The following SFMBT2 variants were observed in gnomAD, a reference collection of about 807,000 sequenced individuals.
SFMBT2 encodes the protein Scm like with four mbt domains 2, also known as scm-like with four MBT domains protein 2.
SFMBT2 carries 38 observed loss-of-function variants against 110.1 expected under a neutral mutation model. The ratio of observed to expected loss-of-function variants is 0.35; its 90% confidence interval spans 0.27 to 0.45. The LOEUF (loss-of-function observed/expected upper bound fraction) is 0.45, where lower values mean the gene tolerates loss of function less well. Ranked by LOEUF, SFMBT2 falls within the 20% of genes least tolerant of loss-of-function variation. The pLI is 1.00. For missense variants in SFMBT2, 1,011 were observed against 1,094.9 expected, an observed-to-expected ratio of 0.92 and a Z score of 1.08; for synonymous variants, 425 against 425.4, an observed-to-expected ratio of 1.00 and a Z score of 0.01.
Position 7,171,389 on chromosome 10 carries a change from C to A in SFMBT2, c.2416-333G>T. The A allele has an allele frequency of 1.0e-6, 1 of 985,382 alleles. No individual in the cohort carries two copies. The allele number at this position is 985,382 out of a possible 1,614,324, so 61.0% of individuals were successfully genotyped here. A position where few individuals can be genotyped will look rare whatever the true frequency, so the allele number is the denominator to read the frequency against. The stretch of plus-strand genomic sequence containing the variant: ...AAGAGGAGAAATACAAGGGGCACGT[C>A]CAAGCAGACACGAGACAGTGTCCCC... On this transcript the variant is annotated intron_variant, in intron 19 of 20. Coordinates refer to ENST00000397167, the MANE Select transcript of SFMBT2 (RefSeq NM_001387889.1). This position sits in a 1 kb window ranked among gnomAD's most constrained non-coding sequence, Gnocchi z 4.9.
rs1045056268 is a variant in SFMBT2, at chr10:7,160,323, T to A, written c.*3447A>T. On this transcript the variant is annotated 3_prime_UTR_variant, in exon 21 of 21. Transcript: ENST00000397167. The stretch of plus-strand genomic sequence containing the variant: ...TGGACAGGATATTTTTTCAACATAG[T>A]ACAAATACAGTCAAGAAGTGAGGAG... The A allele has an allele frequency of 1.3e-5, 2 of 152,186 alleles. No individual in the cohort carries two copies. Among genetic ancestry groups the A allele is most frequent in the Non-Finnish European group, 2.9e-5 (2 of 68,040 alleles). The allele number at this position is 152,186 out of a possible 1,614,324, so 9.4% of individuals were successfully genotyped here.
intron 4 of SFMBT2, among the ~76,000 whole-genome samples, chr10:7,288,396 T>G (rs1452137114): frequency 6.6e-6 from 1 of 152,228 alleles, no homozygotes. Context: ...TCAAACAAAA[T>G]GTCACCTTCC....
chr10:7,277,334 T>C (rs1017263550), intron 6 of SFMBT2: 1 of 222,114 alleles, frequency 4.5e-6, no homozygotes, highest in Non-Finnish European at 7.6e-6. Context: ...ACCTATCACC[T>C]AGGAAAGCAA....
chr10:7,288,449 T>C lies in SFMBT2; in HGVS notation c.437-2495A>G, dbSNP rs1842166338. Among the ~76,000 whole-genome samples the C allele has an allele frequency of 2.6e-5, 4 of 152,184 alleles. No homozygotes were observed. In the South Asian group the frequency reaches 8.3e-4, roughly 31 times the overall value. ...ACATGGAAATACAAACACAAAAATATTGTACGCTCAGCACGTTGGGAGGCT... is the reference window on the plus strand; with the variant it reads ...ACATGGAAATACAAACACAAAAATACTGTACGCTCAGCACGTTGGGAGGCT... On this transcript the variant is annotated intron_variant, in intron 4 of 20. Coordinates refer to ENST00000397167, the MANE Select transcript of SFMBT2 (RefSeq NM_001387889.1).
intron 9 of SFMBT2, among the ~76,000 whole-genome samples, chr10:7,235,602 A>T (rs1840229159): frequency 6.6e-6 from 1 of 151,754 alleles, no homozygotes; most frequent in East Asian, 1.9e-4. Flanking sequence ...ACACATACAC[A>T]TCACATATTA....
At chr10:7,396,998 T>C (rs1200565093) in intron 1 of SFMBT2, among the ~76,000 whole-genome samples, 1 of 152,050 alleles carries the variant, frequency 6.6e-6, no homozygotes, top group East Asian at 1.9e-4. Flanking sequence ...GGCACATGTA[T>C]ACATATGTAA....
chr10:7,284,514 G>A (rs532041398), intron 5 of SFMBT2: 1 of 644,654 alleles, frequency 1.6e-6, no homozygotes, highest in Non-Finnish European at 2.0e-6. Flanking sequence ...AGAAAACGTG[G>A]TAGCAAACGG....
At chr10:7,298,459 C>T (rs1388595002) in intron 4 of SFMBT2, among the ~76,000 whole-genome samples, 1 of 152,210 alleles carries the variant, frequency 6.6e-6, no homozygotes, top group Non-Finnish European at 1.5e-5. Flanking sequence ...TCCGGACAGG[C>T]CTATTCCTGA....
At chr10:7,164,776 CA>C (rs1564361580) in intron 20 of SFMBT2, among the ~76,000 whole-genome samples, 7 of 151,482 alleles carry the variant, frequency 4.6e-5, no homozygotes, top group Non-Finnish European at 1.0e-4. Context: ...CACACACACA[CA>C]CACACACACA....
intron 7 of SFMBT2, chr10:7,249,527 C>G (rs1283939325): frequency 1.0e-6 from 1 of 985,216 alleles, no homozygotes; most frequent in African/African-American, 1.7e-5. Flanking sequence ...CAAATAAATC[C>G]TGCGATTTCC....
chr10:7,266,520 G>T (rs1291444980), intron 7 of SFMBT2, among the ~76,000 whole-genome samples: 1 of 152,188 alleles, frequency 6.6e-6, no homozygotes, highest in Non-Finnish European at 1.5e-5. Context: ...AGGTGTCAGT[G>T]GGATAGTGGG....
chr10:7,330,024 C>T (rs76838664), intron 4 of SFMBT2, among the ~76,000 whole-genome samples: 1,630 of 152,264 alleles, frequency 0.011, 34 homozygotes, highest in African/African-American at 0.037. Context: ...ACCCTTTGCA[C>T]GATTTCTAGG....
intron 1 of SFMBT2, among the ~76,000 whole-genome samples, chr10:7,386,638 A>G (rs1845614824): frequency 6.6e-6 from 1 of 152,176 alleles, no homozygotes; most frequent in Admixed American, 6.5e-5. Flanking sequence ...GTCATTGGTT[A>G]GGTGATTTGG....
Position 7,163,892 on chromosome 10 carries a change from G to A in SFMBT2, c.2563C>T (p.Leu855Phe), listed in dbSNP as rs757635351. 1.2e-6 allele frequency: 2 copies of A among 1,613,508 alleles called. No individual in the cohort carries two copies. Among genetic ancestry groups the A allele is most frequent in the South Asian group, 1.1e-5 (1 of 90,984 alleles). Residue 855 changes from leucine (L) to phenylalanine (F), a missense_variant, in exon 21 of 21, where the codon CTC (leucine) becomes TTC (phenylalanine). Physicochemically the swap from Leu to Phe is conservative, Grantham distance 22. Around this residue, in one of 2 missense-constraint regions of SFMBT2, gnomAD observed 32 missense variants for 78.8 expected, o/e 0.41. Transcript: ENST00000397167. The surrounding 1 kb of genome is among the most constrained non-coding windows in gnomAD (Gnocchi z 4.8). ...FQEQDIDGQA[L>F]LLLTLPTVQE... The stretch of plus-strand genomic sequence containing the variant: ...ACCGTCGGAAGGGTCAGAAGCAGGA[G>A]TGCTTGGCCGTCAATATCCTGCAGG...
chr10:7,327,468 G>A (rs1446603465), intron 4 of SFMBT2, among the ~76,000 whole-genome samples: 1 of 152,148 alleles, frequency 6.6e-6, no homozygotes, highest in South Asian at 2.1e-4. Flanking sequence ...ATCACTTGAG[G>A]TCAGGAGTTC....
intron 2 of SFMBT2, among the ~76,000 whole-genome samples, chr10:7,380,474 T>C (rs1588496928): frequency 6.6e-6 from 1 of 152,340 alleles, no homozygotes; most frequent in East Asian, 1.9e-4. Context: ...CTGTAATCTG[T>C]CATTGACTAG....
At chr10:7,279,291 C>T (rs1564419059) in intron 6 of SFMBT2, among the ~76,000 whole-genome samples, 1 of 152,160 alleles carries the variant, frequency 6.6e-6, no homozygotes, top group Admixed American at 6.5e-5. Flanking sequence ...GCCATCTCTC[C>T]TCCTCCACAC....
intron 4 of SFMBT2, among the ~76,000 whole-genome samples, chr10:7,335,564 T>C (rs1173884647): frequency 7.3e-6 from 1 of 137,668 alleles, no homozygotes; most frequent in East Asian, 2.2e-4. Context: ...TTAAAAGATA[T>C]TCAGAAACAG....
Position 7,272,515 on chromosome 10 carries a change from A to G in SFMBT2, c.870+4377T>C, listed in dbSNP as rs114566983. Among the ~76,000 whole-genome samples the G allele has an allele frequency of 6.4e-3, 981 of 152,148 alleles. 18 individuals are homozygous for G. Among genetic ancestry groups the G allele is most frequent in the African/African-American group, 0.022 (909 of 41,462 alleles). ...ATATAAGCATGGGGAGGTGACTGGG[A>G]AGCAGAGGCAGTTAGACGCCCCCCA... is the stretch of plus-strand genomic sequence containing the variant. On this transcript the variant is annotated intron_variant, in intron 7 of 20. Transcript: ENST00000397167.
Sources: allele counts gnomAD v4.1 joint callset (sites outside exome capture counted in the v4.1 genomes callset), GRCh38; gene constraint gnomAD v4.1.1; regional missense constraint gnomAD v4.1.1; non-coding constraint Gnocchi (gnomAD v3.1); transcripts MANE v1.5; gene names NCBI Gene and HGNC (gene_info 2026-07-23, HGNC 2026-07-21).